Variants in SHANK2 observed in about 807,000 individuals in gnomAD.
SHANK2 encodes SH3 and multiple ankyrin repeat domains protein 2.
SHANK2 carries 43 observed loss-of-function variants against 133.7 expected under a neutral mutation model. The observed-to-expected ratio is 0.32, with a 90% CI of 0.25 to 0.41. The LOEUF is 0.41. Among genes scored for constraint, SHANK2 ranks in the 10% least tolerant of loss-of-function variants. The probability of loss-of-function intolerance (pLI) is 1.00; values close to 1 mark genes in which losing one functional copy is unlikely to be tolerated. For synonymous variants in SHANK2, 1,017 were observed against 952.8 expected (o/e 1.07, Z -1.24); for missense variants, 1,994 against 2,235.8 (o/e 0.89, Z 2.18).
chr11:70,708,825 G>C (rs1395316443), intron 14 of SHANK2, among the ~76,000 whole-genome samples: 1 of 152,226 alleles, frequency 6.6e-6, no homozygotes, highest in Non-Finnish European at 1.5e-5. Flanking sequence ...CCACGGGAGA[G>C]TGGGAAGATG....
At chr11:70,528,127 G>A (rs1264819858) in intron 17 of SHANK2, among the ~76,000 whole-genome samples, 3 of 152,242 alleles carry the variant, frequency 2.0e-5, no homozygotes, top group Non-Finnish European at 4.4e-5. Flanking sequence ...GAAACCAACC[G>A]AGCATCAGGT....
intron 16 of SHANK2, among the ~76,000 whole-genome samples, chr11:70,660,580 C>T (rs1011133656): frequency 6.6e-6 from 1 of 152,142 alleles, no homozygotes; most frequent in Admixed American, 6.5e-5. Context: ...CTTCTGGGGC[C>T]CCACACAGCT....
At chr11:70,545,466 C>T (rs1301239334) in intron 17 of SHANK2, among the ~76,000 whole-genome samples, 5 of 152,108 alleles carry the variant, frequency 3.3e-5, no homozygotes, top group Admixed American at 3.3e-4. Flanking sequence ...TGGATGGCGC[C>T]CACCTCAGCG....
rs1209027480 is a variant in SHANK2, at chr11:70,469,391, TCAGA to T, written c.*3474_*3477del. 1.3e-5 allele frequency: 2 copies of T among 152,742 alleles called. No individual in the cohort carries two copies. Among genetic ancestry groups the T allele is most frequent in the East Asian group, 3.9e-4 (2 of 5,186 alleles). 9.5% of individuals were successfully genotyped at this position (152,742 alleles called of 1,614,324 possible). A position where few individuals can be genotyped will look rare whatever the true frequency, so the allele number is the denominator to read the frequency against. ...CAAGTCGGGCAGCTTTTTGTTTAAT[TCAGA>T]CAGTGTTCACTGTTTGTTTGCAATC... On this transcript the variant is annotated 3_prime_UTR_variant, in exon 26 of 26. Transcript: ENST00000601538.
chr11:70,620,512 C>T (rs2060814444), intron 17 of SHANK2, among the ~76,000 whole-genome samples: 1 of 152,144 alleles, frequency 6.6e-6, no homozygotes, highest in Non-Finnish European at 1.5e-5. Flanking sequence ...GCTGCCTGCC[C>T]CGCCTGGTCT....
chr11:70,735,750 G>A (rs1056070005), intron 14 of SHANK2, among the ~76,000 whole-genome samples: 6 of 151,098 alleles, frequency 4.0e-5, no homozygotes, highest in African/African-American at 1.5e-4. Flanking sequence ...GGGAGGCCGA[G>A]TACTCCTTCT....
At chr11:70,474,991 C>T (rs567105) in intron 25 of SHANK2, 50,180 of 152,448 alleles carry the variant, frequency 0.33, 9,688 homozygotes, top group East Asian at 0.64. Flanking sequence ...TGCAGTGTCT[C>T]AGTGAAAGGG....
chr11:70,699,641 C>T (rs1555023181), intron 14 of SHANK2, among the ~76,000 whole-genome samples: 1 of 152,216 alleles, frequency 6.6e-6, no homozygotes, highest in Non-Finnish European at 1.5e-5. Flanking sequence ...TTTTCTTCCA[C>T]TCAAACCCCA....
intron 6 of SHANK2, among the ~76,000 whole-genome samples, chr11:71,107,915 A>T (rs1388538694): frequency 6.6e-6 from 1 of 152,214 alleles, no homozygotes. Flanking sequence ...GGGGACATCC[A>T]GCCTCCTTCT....
In SHANK2 at chr11:70,549,028, GA is replaced by G. The variant is rs575676172; in HGVS notation, c.2062-46098del. ...TGGCCCTGCTGACATCCCGACTTCA[GA>G]CTGCTAGCCCCCAAACTGTCAGAGA... On this transcript the variant is annotated intron_variant, in intron 17 of 25. Transcript: ENST00000601538. Among the ~76,000 whole-genome samples the G allele has an allele frequency of 7.2e-5, 11 of 152,234 alleles. No homozygotes were observed. In the East Asian group the frequency reaches 2.1e-3, roughly 29 times the overall value.
chr11:71,129,607 G>C (rs1952259248), intron 3 of SHANK2, among the ~76,000 whole-genome samples: 1 of 152,162 alleles, frequency 6.6e-6, no homozygotes, highest in Non-Finnish European at 1.5e-5. Context: ...TTGCACCGCT[G>C]CATTCCAGCC....
At chr11:70,514,529 G>T (rs1340298659) in intron 17 of SHANK2, among the ~76,000 whole-genome samples, 1 of 152,228 alleles carries the variant, frequency 6.6e-6, no homozygotes, top group Non-Finnish European at 1.5e-5. Flanking sequence ...TACTGATTTT[G>T]GGGTTTACAA....
At chr11:70,940,245 C>CCCTCCCTTCT (rs1950628911) in intron 10 of SHANK2, among the ~76,000 whole-genome samples, 1 of 143,982 alleles carries the variant, frequency 6.9e-6, no homozygotes, top group Non-Finnish European at 1.5e-5. Flanking sequence ...TTCTCTCTCT[C>CCCTCCCTTCT]TCTCTCTCTT....
chr11:70,666,889 C>T (rs968231030), intron 15 of SHANK2, among the ~76,000 whole-genome samples: 2 of 152,098 alleles, frequency 1.3e-5, no homozygotes, highest in Non-Finnish European at 2.9e-5. Context: ...AATCCAGCGG[C>T]GCACTCCCCA....
intron 16 of SHANK2, 40 bp downstream of exon 16, chr11:70,661,552 CACAA>C (rs782078844): frequency 2.4e-5 from 29 of 1,225,418 alleles, no homozygotes; most frequent in African/African-American, 1.7e-4. Flanking sequence ...CACACACACA[CACAA>C]ACATGGGAAC....
chr11:70,621,504 G>T lies in SHANK2; in HGVS notation c.2061+38324C>A, dbSNP rs782147290. The stretch of plus-strand genomic sequence containing the variant: ...GCACACCAAAGGCTGTGCCCCTACA[G>T]CACCCTTGGCGAGGACGTGGCCCAT... On this transcript the variant is annotated intron_variant, in intron 17 of 25. Transcript: ENST00000601538. 1.8e-4 allele frequency among the ~76,000 whole-genome samples: 27 copies of T among 152,348 alleles called. No individual in the cohort carries two copies. The East Asian group carries it at 3.5e-3, about 20-fold the overall frequency.
chr11:70,630,218 G>A (rs782139349), intron 17 of SHANK2, among the ~76,000 whole-genome samples: 24 of 152,234 alleles, frequency 1.6e-4, no homozygotes, highest in Non-Finnish European at 3.1e-4. Flanking sequence ...GGCTGGCACT[G>A]ACCTTGCAGG....
At chr11:70,942,675 A>G in intron 10 of SHANK2, 1 of 456,910 alleles carries the variant, frequency 2.2e-6, no homozygotes, top group South Asian at 1.5e-5. Flanking sequence ...ACATTCAGGG[A>G]CAGATACTTC....
intron 9 of SHANK2, among the ~76,000 whole-genome samples, chr11:71,072,259 G>T (rs1477002887): frequency 2.0e-5 from 3 of 151,300 alleles, no homozygotes; most frequent in Non-Finnish European, 4.4e-5. Flanking sequence ...ACCCCCCATG[G>T]CTTCCCCGCT....
Sources: gnomAD v4.1 joint callset for allele counts (sites outside exome capture counted in the v4.1 genomes callset) on GRCh38, gnomAD v4.1.1 for gene constraint, MANE v1.5 for transcripts, NCBI Gene and HGNC (gene_info 2026-07-23, HGNC 2026-07-21) for gene names.